Variants in CATSPER1 observed in about 807,000 individuals in gnomAD.
The protein encoded by CATSPER1 is cation channel sperm associated 1.
A neutral mutation model predicts 72.7 loss-of-function variants in CATSPER1; 57 were observed. The observed-to-expected ratio is 0.78, with a 90% confidence interval of 0.63 to 0.98. The LOEUF is 0.98. Ranked by LOEUF, CATSPER1 falls within the 50% of genes least tolerant of loss-of-function variation. The pLI, the probability that CATSPER1 is intolerant of heterozygous loss-of-function variation, is 0.00. For missense variants in CATSPER1, 910 were observed against 1,033.9 expected, an observed-to-expected ratio of 0.88 and a Z score of 1.64; for synonymous variants, 363 against 403.0, an observed-to-expected ratio of 0.90 and a Z score of 1.19.
At position 66,017,184 on chromosome 11, in the gene CATSPER1, G is replaced by GAACTTCTGCT; in HGVS notation, c.2202-11_2202-10insAGCAGAAGTT. 1 of 1,520,918 alleles carries GAACTTCTGCT rather than the reference G, an allele frequency of 6.6e-7. No individual in the cohort carries two copies. Among genetic ancestry groups the GAACTTCTGCT allele is most frequent in the Non-Finnish European group, 9.0e-7 (1 of 1,113,202 alleles). The allele number at this position is 1,520,918 out of a possible 1,614,324, so 94.2% of individuals were successfully genotyped here. A position where few individuals can be genotyped will look rare whatever the true frequency, so the allele number is the denominator to read the frequency against. On this transcript the variant is annotated splice_polypyrimidine_tract_variant and intron_variant, in intron 10 of 11. Transcript: ENST00000312106. Reference sequence around the variant, plus strand: ...CAGGAGCTCCTGCTGCCTGCGGGTGGGCGGGGGGGTCGCAGAGACAGGGGC... The same window carrying GAACTTCTGCT: ...CAGGAGCTCCTGCTGCCTGCGGGTGGAACTTCTGCTGCGGGGGGGTCGCAGAGACAGGGGC...
At chr11:66,019,284 CT>C (rs375184837) in intron 9 of CATSPER1, among the ~76,000 whole-genome samples, 45 of 145,744 alleles carry the variant, frequency 3.1e-4, no homozygotes, top group African/African-American at 9.5e-4. Flanking sequence ...TTTTTTTTTT[CT>C]TTTTTTTTTG....
rs1565074110 is a variant in CATSPER1, at chr11:66,025,467, G to C, written c.913C>G (p.His305Asp). 6.2e-7 allele frequency: 1 copy of C among 1,613,352 alleles called. No individual in the cohort carries two copies. Among genetic ancestry groups the C allele is most frequent in the South Asian group, 1.1e-5 (1 of 90,990 alleles). The change falls in exon 1 of 12, where the codon CAC becomes GAC. Residue 305 changes from histidine to aspartate, a missense_variant. His to Asp is a moderately conservative substitution (Grantham distance 81, BLOSUM62 -1). Transcript: ENST00000312106. Reference sequence around the variant, plus strand: ...TAACTGGAATGATACGCGCCGTGGTGGTCTTGGTGCTGATGGTAGTCTCGG... The same window carrying C: ...TAACTGGAATGATACGCGCCGTGGTCGTCTTGGTGCTGATGGTAGTCTCGG... ...RHRDYHQHQD[H>D]HGAYHSSYLH...
In CATSPER1 at chr11:66,021,496, C is replaced by T; in HGVS notation, c.1691G>A (p.Ser564Asn). Residue 564 changes from serine (S) to asparagine (N), a missense_variant and splice_region_variant, in exon 4 of 12, where the codon AGC (serine) becomes AAC (asparagine). Coordinates refer to ENST00000312106, the MANE Select transcript of CATSPER1 (RefSeq NM_053054.4). ...LRAIRVLRRL[S>N]FLTSVQEVTG... ...CCAGGTGGGAGCCGTGGCCACTGAC[C>T]TGAGCCTCCGCAGGACCCGGATTGC... 6.2e-7 allele frequency: 1 copy of T among 1,613,088 alleles called. No homozygotes were observed. The highest frequency in any genetic ancestry group is 8.5e-7 in the Non-Finnish European group (1 of 1,180,004).
chr11:66,017,193 G>GGGGGGGGGGGGGGGGGGCGC lies in CATSPER1; in HGVS notation c.2202-20_2202-19insGCGCCCCCCCCCCCCCCCCC. On this transcript the variant is annotated intron_variant, in intron 10 of 11. Coordinates refer to ENST00000312106, the MANE Select transcript of CATSPER1 (RefSeq NM_053054.4). ...CTGCTGCCTGCGGGTGGGCGGGGGG[G>GGGGGGGGGGGGGGGGGGCGC]TCGCAGAGACAGGGGCTGGGCTGAC... The GGGGGGGGGGGGGGGGGGCGC allele has an allele frequency of 2.0e-6, 1 of 493,814 alleles. No homozygotes were observed. The highest frequency in any genetic ancestry group is 4.0e-6 in the Non-Finnish European group (1 of 252,620). The allele number at this position is 493,814 out of a possible 1,614,324, so 30.6% of individuals were successfully genotyped here.
Position 66,021,492 on chromosome 11 carries a change from T to G in CATSPER1, c.1691+4A>C, listed in dbSNP as rs1856368317. The stretch of plus-strand genomic sequence containing the variant: ...CACCCCAGGTGGGAGCCGTGGCCAC[T>G]GACCTGAGCCTCCGCAGGACCCGGA... On this transcript the variant is annotated splice_donor_region_variant and intron_variant, in intron 4 of 11. Coordinates refer to ENST00000312106, the MANE Select transcript of CATSPER1 (RefSeq NM_053054.4). 6.2e-7 allele frequency: 1 copy of G among 1,612,720 alleles called. No homozygotes were observed. Among genetic ancestry groups the G allele is most frequent in the Admixed American group, 1.7e-5 (1 of 59,990 alleles).
In CATSPER1 at chr11:66,026,478, C is replaced by T; in HGVS notation, c.-99G>A. On this transcript the variant is annotated 5_prime_UTR_variant, in exon 1 of 12. Transcript: ENST00000312106. ...TTTCCTGAGCCAAGCTCAATGCAGA[C>T]TGTGGCACTGGGCTTCCAGAAAGGC... 1 of 1,584,884 alleles carries T rather than the reference C, an allele frequency of 6.3e-7. No individual in the cohort carries two copies. Among genetic ancestry groups the T allele is most frequent in the African/African-American group, 1.3e-5 (1 of 74,624 alleles).
chr11:66,022,645 G>A (rs1856398959), intron 2 of CATSPER1, among the ~76,000 whole-genome samples: 1 of 152,248 alleles, frequency 6.6e-6, no homozygotes, highest in African/African-American at 2.4e-5. Context: ...ACCGCCTCCC[G>A]CCTAGCGGGT....
Position 66,022,770 on chromosome 11 carries a change from C to T in CATSPER1, c.1429+79G>A, listed in dbSNP as rs538024817. ...AGTGAGCTGAGTCCTATAAACCGCC[C>T]GGCACTGGATCAGGCCCACGGAGGT... On this transcript the variant is annotated intron_variant, in intron 2 of 11. Coordinates refer to ENST00000312106, the MANE Select transcript of CATSPER1 (RefSeq NM_053054.4). 106 of 1,430,692 alleles carry T rather than the reference C, an allele frequency of 7.4e-5. No individual in the cohort carries two copies. In the African/African-American group the frequency reaches 1.0e-3, roughly 14 times the overall value. The allele number at this position is 1,430,692 out of a possible 1,614,324, so 88.6% of individuals were successfully genotyped here. A position where few individuals can be genotyped will look rare whatever the true frequency, so the allele number is the denominator to read the frequency against.
In CATSPER1 at chr11:66,020,208, G is replaced by T. The variant is rs1307754409; in HGVS notation, c.2065-8C>A. 6.2e-7 allele frequency: 1 copy of T among 1,613,880 alleles called. No homozygotes were observed. The highest frequency in any genetic ancestry group is 1.3e-5 in the African/African-American group (1 of 74,918). On this transcript the variant is annotated splice_polypyrimidine_tract_variant and splice_region_variant and intron_variant, in intron 8 of 11. Coordinates refer to ENST00000312106, the MANE Select transcript of CATSPER1 (RefSeq NM_053054.4). This position sits in a 1 kb window ranked among gnomAD's most constrained non-coding sequence, Gnocchi z 4.5. ...TTGGATCCGGGCGGCCCTCTGGGAA[G>T]AAGAGGCCTCAGATCTGCCAGAGTC...
intron 9 of CATSPER1, among the ~76,000 whole-genome samples, chr11:66,019,257 G>T: frequency 6.6e-6 from 1 of 151,638 alleles, no homozygotes; most frequent in East Asian, 1.9e-4. Flanking sequence ...GGTAACTTAG[G>T]CCTGGCCAAT....
At chr11:66,018,535 T>G (rs192167279) in intron 10 of CATSPER1, among the ~76,000 whole-genome samples, 54 of 152,302 alleles carry the variant, frequency 3.5e-4, no homozygotes, top group African/African-American at 1.3e-3. Flanking sequence ...TGTGTCCTCT[T>G]TGGGTCCCTG....
chr11:66,021,286 CTTG>C, intron 4 of CATSPER1, 101 bp from the exon 5 acceptor site: 1 of 1,308,572 alleles, frequency 7.6e-7, no homozygotes, highest in Non-Finnish European at 1.1e-6. Flanking sequence ...AGGCTCCTGA[CTTG>C]TTGGTGACTT....
intron 2 of CATSPER1, 39 bp downstream of exon 2, chr11:66,022,809 CG>C (rs762138698): frequency 6.2e-7 from 1 of 1,601,952 alleles, no homozygotes; most frequent in Non-Finnish European, 8.6e-7. Context: ...GGAAGAGCAT[CG>C]GTGGCTTCTC....
In CATSPER1 at chr11:66,021,230, G is replaced by A. The variant is rs371032491; in HGVS notation, c.1692-45C>T. ...GGACTGAGTCATCGGTGAGGGGCGG[G>A]GGTGTGTGTCTCTGCCCAGCAGCCA... On this transcript the variant is annotated intron_variant, in intron 4 of 11. Coordinates refer to ENST00000312106, the MANE Select transcript of CATSPER1 (RefSeq NM_053054.4). 1,685 of 1,561,104 alleles carry A rather than the reference G, an allele frequency of 1.1e-3. 26 individuals are homozygous for A. In the South Asian group the frequency reaches 0.018, roughly 17 times the overall value.
chr11:66,019,788 A>C (rs1250023838), intron 9 of CATSPER1, among the ~76,000 whole-genome samples: 1 of 151,900 alleles, frequency 6.6e-6, no homozygotes, highest in African/African-American at 2.4e-5. Flanking sequence ...GTGCTGGCGC[A>C]TGCCTGCAGT....
At chr11:66,017,739 C>T (rs1856268258) in intron 10 of CATSPER1, among the ~76,000 whole-genome samples, 1 of 152,176 alleles carries the variant, frequency 6.6e-6, no homozygotes, top group South Asian at 2.1e-4. Flanking sequence ...CAAGGTACTC[C>T]GAGGAGATGG....
chr11:66,020,673 C>A lies in CATSPER1; in HGVS notation c.1928-46G>T. ...GGCACAGTCAGGCTGTGCTCGCCAC[C>A]CCCAACCACGACCTGCTCCCTTCCC... On this transcript the variant is annotated intron_variant, in intron 6 of 11. Transcript: ENST00000312106. The surrounding 1 kb of genome is among the most constrained non-coding windows in gnomAD (Gnocchi z 4.5). 11 of 1,598,780 alleles carry A rather than the reference C, an allele frequency of 6.9e-6. No individual in the cohort carries two copies. Among genetic ancestry groups the A allele is most frequent in the Non-Finnish European group, 9.4e-6 (11 of 1,168,808 alleles).
At position 66,025,614 on chromosome 11, in the gene CATSPER1, AG is replaced by A. The variant is rs1856483462; in HGVS notation, c.765del (p.Tyr256ThrfsTer79). 6.2e-7 allele frequency: 1 copy of A among 1,612,418 alleles called. No individual in the cohort carries two copies. Among genetic ancestry groups the A allele is most frequent in the African/African-American group, 1.3e-5 (1 of 74,888 alleles). The stretch of plus-strand genomic sequence containing the variant: ...TGATAGTCAGATATCCCACGCTGGT[AG>A]GACCCCACAGAGGAATGAGGGGAAA... ...ETISPHSSVGSYQRGISDYHS... is the reference protein window; with the variant it reads ...ETISPHSSVGXYQRGISDYHS... On this transcript the variant is annotated frameshift_variant, in exon 1 of 12. Transcript: ENST00000312106. LOFTEE classifies it high-confidence loss of function.
intron 4 of CATSPER1, 46 bp from the exon 5 acceptor site, chr11:66,021,231 GGT>G: frequency 6.4e-7 from 1 of 1,562,966 alleles, no homozygotes; most frequent in South Asian, 1.1e-5. Context: ...GAGGGGCGGG[GGT>G]GTGTGTCTCT....
Sources: allele counts gnomAD v4.1 joint callset (sites outside exome capture counted in the v4.1 genomes callset), GRCh38; gene constraint gnomAD v4.1.1; non-coding constraint Gnocchi (gnomAD v3.1); transcripts MANE v1.5; gene names NCBI Gene and HGNC (gene_info 2026-07-23, HGNC 2026-07-21).